FRMPD4: variants seen among roughly 807,000 people sequenced by gnomAD.
FRMPD4 encodes FERM and PDZ domain-containing protein 4.
FRMPD4 carries 22 observed loss-of-function variants against 94.1 expected under a neutral mutation model. That is an observed-to-expected ratio of 0.23 (90% CI 0.17 to 0.33). The LOEUF is 0.33. Ranked by LOEUF, FRMPD4 falls within the 10% of genes least tolerant of loss-of-function variation. The pLI is 1.00. For missense variants in FRMPD4, 1,111 were observed against 1,339.9 expected (o/e 0.83, Z 2.67); for synonymous variants, 631 against 548.6 (o/e 1.15, Z -2.10).
At chrX:12,663,309 G>A (rs1415096284) in intron 4 of FRMPD4, among the ~76,000 whole-genome samples, 1 of 112,038 alleles carries the variant, frequency 8.9e-6, no homozygotes, top group Non-Finnish European at 1.9e-5. Context: ...TTTGCCTCTA[G>A]GGTTTTTATG....
chrX:12,504,916 C>A (rs961457680), intron 2 of FRMPD4, among the ~76,000 whole-genome samples: 1 of 112,385 alleles, frequency 8.9e-6, no homozygotes, highest in Non-Finnish European at 1.9e-5. Context: ...GCCAGAGTAT[C>A]TGGAGGGATT....
intron 2 of FRMPD4, among the ~76,000 whole-genome samples, chrX:12,553,132 C>G (rs767442747): frequency 1.3e-4 from 14 of 108,756 alleles, no homozygotes; most frequent in Non-Finnish European, 2.3e-4. Flanking sequence ...GCACTCCAGG[C>G]TGGGCAACAG....
chrX:12,524,138 G>C (rs965432682), intron 2 of FRMPD4, among the ~76,000 whole-genome samples: 1 of 111,847 alleles, frequency 8.9e-6, no homozygotes, highest in African/African-American at 3.3e-5. Flanking sequence ...CTGGGTGACA[G>C]AGTGAGACCC....
At chrX:12,405,702 GAATT>G in intron 1 of FRMPD4, among the ~76,000 whole-genome samples, 1 of 111,316 alleles carries the variant, frequency 9.0e-6, no homozygotes, top group Middle Eastern at 4.6e-3. Context: ...TACTTTTCTG[GAATT>G]AATATATTAG....
chrX:11,891,331 T>C (rs183855820), intron 3 of FRMPD4, among the ~76,000 whole-genome samples: 1 of 112,454 alleles, frequency 8.9e-6, no homozygotes, highest in African/African-American at 3.2e-5. Context: ...TTGCAACAGC[T>C]GTGCGTGGGA....
chrX:12,402,259 C>A (rs932450862), intron 1 of FRMPD4, among the ~76,000 whole-genome samples: 6 of 110,988 alleles, frequency 5.4e-5, no homozygotes, highest in South Asian at 3.8e-4. Flanking sequence ...ACCCCCCCCA[C>A]AAAAGCAGAC....
At chrX:12,162,510 T>G (rs2056042228) in intron 1 of FRMPD4, among the ~76,000 whole-genome samples, 1 of 112,309 alleles carries the variant, frequency 8.9e-6, no homozygotes, top group Non-Finnish European at 1.9e-5. Context: ...GGATCCAGAT[T>G]GTTCTATAAG....
At chrX:12,142,231 A>G (rs1464780831) in intron 1 of FRMPD4, among the ~76,000 whole-genome samples, 2 of 111,908 alleles carry the variant, frequency 1.8e-5, no homozygotes, top group African/African-American at 6.5e-5. Flanking sequence ...TTTGTGGTAT[A>G]TAGCAGTGAC....
At chrX:12,235,027 A>G (rs1456944000) in intron 1 of FRMPD4, among the ~76,000 whole-genome samples, 2 of 112,075 alleles carry the variant, frequency 1.8e-5, no homozygotes, top group African/African-American at 6.5e-5. Flanking sequence ...TTTGTGTGCT[A>G]ACTCTGTGCT....
chrX:12,109,672 G>A (rs1018173350), intron 3 of FRMPD4, among the ~76,000 whole-genome samples: 5 of 111,326 alleles, frequency 4.5e-5, no homozygotes, highest in South Asian at 3.8e-4. Flanking sequence ...TTGATAGACC[G>A]CTAGCAAGAC....
intron 7 of FRMPD4, 125 bp downstream of exon 7, chrX:12,686,329 C>A: frequency 2.4e-6 from 1 of 418,722 alleles, no homozygotes; most frequent in Non-Finnish European, 4.2e-6. Flanking sequence ...TGTTGATTGC[C>A]TCCATATAAT....
chrX:12,067,647 A>G (rs1428769637), intron 3 of FRMPD4, among the ~76,000 whole-genome samples: 1 of 109,125 alleles, frequency 9.2e-6, no homozygotes, highest in East Asian at 2.9e-4. Context: ...CAAACTCCTG[A>G]TCTTGTGATC....
Position 12,539,163 on chromosome X carries a change from G to A in FRMPD4, c.158+40367G>A, listed in dbSNP as rs147698140. Among the ~76,000 whole-genome samples the A allele has an allele frequency of 4.7e-3, 523 of 112,277 alleles. 6 individuals carry two copies. Among genetic ancestry groups the A allele is most frequent in the African/African-American group, 0.016 (491 of 30,897 alleles). ...TTGCACAAGCTTCAGTAGCCGATTC[G>A]ATCAACTGGAAGAAAGTGTATCAGT... On this transcript the variant is annotated intron_variant, in intron 2 of 16. Transcript: ENST00000675598.
intron 14 of FRMPD4, among the ~76,000 whole-genome samples, chrX:12,711,679 T>C (rs1475118437): frequency 9.0e-6 from 1 of 110,906 alleles, no homozygotes; most frequent in Non-Finnish European, 1.9e-5. Context: ...GTTTCCATAA[T>C]TGGGGTTTCT....
chrX:12,284,328 C>G (rs2054568472), intron 1 of FRMPD4, among the ~76,000 whole-genome samples: 1 of 111,938 alleles, frequency 8.9e-6, no homozygotes, highest in Non-Finnish European at 1.9e-5. Flanking sequence ...TCCCACCTTC[C>G]TGTGCCTCCT....
intron 1 of FRMPD4, among the ~76,000 whole-genome samples, chrX:12,190,818 G>A (rs1011267031): frequency 9.1e-6 from 1 of 110,393 alleles, no homozygotes; most frequent in African/African-American, 3.3e-5. Flanking sequence ...TAACTTTGGA[G>A]AATACCTACA....
chrX:12,382,203 C>T (rs1001801117), intron 1 of FRMPD4, among the ~76,000 whole-genome samples: 1 of 111,853 alleles, frequency 8.9e-6, no homozygotes, highest in African/African-American at 3.3e-5. Context: ...ACAAGACATG[C>T]TTAGGAGAAA....
At chrX:12,335,841 C>G (rs766800897) in intron 1 of FRMPD4, among the ~76,000 whole-genome samples, 16 of 112,323 alleles carry the variant, frequency 1.4e-4, no homozygotes, top group Non-Finnish European at 2.4e-4. Context: ...AACTGCTATC[C>G]GCTTAGAGTA....
intron 1 of FRMPD4, among the ~76,000 whole-genome samples, chrX:12,440,027 C>T (rs2057117056): frequency 9.0e-6 from 1 of 111,580 alleles, no homozygotes; most frequent in Non-Finnish European, 1.9e-5. Flanking sequence ...CTAGATTTCT[C>T]CAAGCTTTAG....
Sources: allele counts gnomAD v4.1 joint callset (sites outside exome capture counted in the v4.1 genomes callset), GRCh38; gene constraint gnomAD v4.1.1; transcripts MANE v1.5; gene names NCBI Gene and HGNC (gene_info 2026-07-23, HGNC 2026-07-21).